ZNF385D: variants seen among roughly 807,000 people sequenced by gnomAD.
ZNF385D encodes zinc finger protein 659.
A neutral mutation model predicts 35.8 loss-of-function variants in ZNF385D; 15 were observed. The ratio of observed to expected loss-of-function variants is 0.42; its 90% CI spans 0.28 to 0.64. The LOEUF (loss-of-function observed/expected upper bound fraction) is 0.64. ZNF385D is among the 30% of genes least tolerant of loss of function. ZNF385D has a pLI of 0.23. For missense variants in ZNF385D, 474 were observed against 494.6 expected (o/e 0.96, Z 0.39); for synonymous variants, 212 against 186.8 (o/e 1.13, Z -1.10).
At chr3:22,177,731 C>T (rs1410412366) in intron 2 of ZNF385D, among the ~76,000 whole-genome samples, 1 of 152,164 alleles carries the variant, frequency 6.6e-6, no homozygotes, top group Non-Finnish European at 1.5e-5. Context: ...TATCTCTCCC[C>T]TCTCCCCAAA....
At chr3:21,790,491 CT>C (rs1392267063) in intron 3 of ZNF385D, among the ~76,000 whole-genome samples, 1 of 151,760 alleles carries the variant, frequency 6.6e-6, no homozygotes, top group East Asian at 1.9e-4. Context: ...TATAGTTATA[CT>C]TGTATTTCTT....
chr3:21,689,327 G>C (rs978270325), intron 1 of ZNF385D, among the ~76,000 whole-genome samples: 1 of 152,068 alleles, frequency 6.6e-6, no homozygotes, highest in Non-Finnish European at 1.5e-5. Context: ...GAAGAGGTGT[G>C]TGCTCTGTTG....
At chr3:22,298,014 T>C (rs1233862122) in intron 2 of ZNF385D, among the ~76,000 whole-genome samples, 1 of 152,078 alleles carries the variant, frequency 6.6e-6, no homozygotes, top group Non-Finnish European at 1.5e-5. Flanking sequence ...CTGATCAATT[T>C]GGGGGAATAT....
At chr3:21,454,193 G>A (rs116641770) in intron 4 of ZNF385D, among the ~76,000 whole-genome samples, 150 of 152,122 alleles carry the variant, frequency 9.9e-4, no homozygotes, top group African/African-American at 3.3e-3. Context: ...CAGGGAATGG[G>A]AGAAAGGAGA....
chr3:22,160,982 G>T (rs1364984018), intron 3 of ZNF385D, among the ~76,000 whole-genome samples: 1 of 152,022 alleles, frequency 6.6e-6, no homozygotes, highest in Non-Finnish European at 1.5e-5. Context: ...TCAAAATGCT[G>T]CTATGAATCA....
chr3:22,351,523 T>C (rs1419956511), intron 2 of ZNF385D, among the ~76,000 whole-genome samples: 1 of 152,066 alleles, frequency 6.6e-6, no homozygotes, highest in African/African-American at 2.4e-5. Flanking sequence ...ATTCCAAAAA[T>C]CTAAATCAGA....
chr3:21,921,197 T>C (rs1437506681), intron 3 of ZNF385D, among the ~76,000 whole-genome samples: 3 of 118,648 alleles, frequency 2.5e-5, no homozygotes, highest in Non-Finnish European at 4.8e-5. Context: ...CACTCCAGCC[T>C]GGGCGACAGA....
At chr3:21,809,224 G>A (rs1433527048) in intron 3 of ZNF385D, among the ~76,000 whole-genome samples, 1 of 151,730 alleles carries the variant, frequency 6.6e-6, no homozygotes, top group African/African-American at 2.4e-5. Context: ...AACTACTCTT[G>A]AAAAAATGGA....
At chr3:21,478,184 C>A (rs921089618) in intron 4 of ZNF385D, among the ~76,000 whole-genome samples, 3 of 152,062 alleles carry the variant, frequency 2.0e-5, no homozygotes, top group Non-Finnish European at 4.4e-5. Flanking sequence ...CAAAACCTAG[C>A]ACATAATAGG....
intron 3 of ZNF385D, among the ~76,000 whole-genome samples, chr3:22,096,361 A>T (rs1338044301): frequency 7.6e-6 from 1 of 132,366 alleles, no homozygotes. Flanking sequence ...AATTTTTTTA[A>T]AAGAAAAAAA....
rs892773410 is a variant in ZNF385D at position 21,871,676 on chromosome 3, T to C, written c.326-206648A>G. On this transcript the variant is annotated intron_variant, in intron 3 of 5. Coordinates refer to the ZNF385D transcript ENST00000494108. ...TTAAGATAGCATCCTGAACCAAGTGTTTTCTTTAAGAAAACTGAACTTAGG... is the reference window on the plus strand; with the variant it reads ...TTAAGATAGCATCCTGAACCAAGTGCTTTCTTTAAGAAAACTGAACTTAGG... Among the ~76,000 whole-genome samples the C allele has an allele frequency of 3.3e-5, 5 of 152,236 alleles. No individual in the cohort carries two copies. The East Asian group carries it at 9.7e-4, about 30-fold the overall frequency.
chr3:21,891,188 G>A (rs1221757305), intron 3 of ZNF385D, among the ~76,000 whole-genome samples: 2 of 152,096 alleles, frequency 1.3e-5, no homozygotes, highest in East Asian at 1.9e-4. Context: ...CACGCAGAAG[G>A]TAATCAATAA....
intron 3 of ZNF385D, among the ~76,000 whole-genome samples, chr3:22,095,678 T>G (rs766662820): frequency 1.1e-4 from 17 of 152,070 alleles, no homozygotes; most frequent in Admixed American, 9.2e-4. Context: ...TATTTTAATT[T>G]TGATGCTATT....
chr3:21,792,301 T>C (rs1006609044), intron 3 of ZNF385D, among the ~76,000 whole-genome samples: 24 of 152,130 alleles, frequency 1.6e-4, no homozygotes, highest in Admixed American at 6.5e-4. Flanking sequence ...AACCTGGAGA[T>C]TTATTGAGTT....
intron 3 of ZNF385D, among the ~76,000 whole-genome samples, chr3:21,890,762 G>A (rs565328787): frequency 1.3e-5 from 2 of 152,202 alleles, no homozygotes; most frequent in Non-Finnish European, 2.9e-5. Flanking sequence ...AGAAGCAGCA[G>A]AAGAATTGCT....
At chr3:21,866,370 C>T (rs547585635) in intron 3 of ZNF385D, among the ~76,000 whole-genome samples, 1 of 152,270 alleles carries the variant, frequency 6.6e-6, no homozygotes, top group South Asian at 2.1e-4. Context: ...AGGAGAATCA[C>T]TTGAACCCAG....
intron 2 of ZNF385D, among the ~76,000 whole-genome samples, chr3:21,574,880 C>T (rs568594927): frequency 6.6e-6 from 1 of 151,762 alleles, no homozygotes; most frequent in African/African-American, 2.4e-5. Flanking sequence ...ATTATGAGAA[C>T]TAGAATGCAA....
intron 3 of ZNF385D, among the ~76,000 whole-genome samples, chr3:22,016,304 C>T (rs1431517797): frequency 6.6e-6 from 1 of 152,004 alleles, no homozygotes; most frequent in Non-Finnish European, 1.5e-5. Flanking sequence ...AGGACAGCTC[C>T]TCTACCCTCA....
chr3:21,939,648 G>C (rs531062264), intron 3 of ZNF385D, among the ~76,000 whole-genome samples: 1 of 152,172 alleles, frequency 6.6e-6, no homozygotes, highest in Non-Finnish European at 1.5e-5. Context: ...GAGAAATCAA[G>C]TGTTAAATAA....
Sources: allele counts gnomAD v4.1 joint callset (sites outside exome capture counted in the v4.1 genomes callset), GRCh38; gene constraint gnomAD v4.1.1; transcripts MANE v1.5; gene names NCBI Gene and HGNC (gene_info 2026-07-23, HGNC 2026-07-21).